The following RALGDS variants were observed in gnomAD, a reference collection of about 807,000 sequenced individuals.
RALGDS encodes ral guanine nucleotide dissociation stimulator.
Under a neutral mutation model 99.8 loss-of-function variants are expected in RALGDS, and 44 were observed. That is an observed-to-expected ratio of 0.44 (90% CI 0.35 to 0.57). The LOEUF (loss-of-function observed/expected upper bound fraction) is 0.57. Ranked by LOEUF, RALGDS falls within the 20% of genes least tolerant of loss-of-function variation. RALGDS has a pLI of 0.01. For missense variants in RALGDS, 1,022 were observed against 1,203.1 expected, an observed-to-expected ratio of 0.85 and a Z score of 2.23; for synonymous variants, 529 against 505.0, an observed-to-expected ratio of 1.05 and a Z score of -0.64.
chr9:133,113,563 C>A (rs1831451590), intron 1 of RALGDS, among the ~76,000 whole-genome samples: 1 of 152,240 alleles, frequency 6.6e-6, no homozygotes, highest in Admixed American at 6.5e-5. Flanking sequence ...CCACACCCCA[C>A]AAACAGCCCC....
At chr9:133,118,608 T>TAAAC (rs1452391747) in intron 1 of RALGDS, among the ~76,000 whole-genome samples, 1 of 152,242 alleles carries the variant, frequency 6.6e-6, no homozygotes, top group Non-Finnish European at 1.5e-5. Context: ...GCTGTTATCT[T>TAAAC]AAACCTGTGG....
upstream of RALGDS, among the ~76,000 whole-genome samples, chr9:133,135,474 G>C (rs1438512687): frequency 6.6e-6 from 1 of 152,166 alleles, no homozygotes; most frequent in African/African-American, 2.4e-5. Flanking sequence ...TGCCCCAGCC[G>C]CTCCCATTGG....
chr9:133,117,424 A>AG (rs1237498603), intron 1 of RALGDS, among the ~76,000 whole-genome samples: 2 of 152,224 alleles, frequency 1.3e-5, no homozygotes, highest in African/African-American at 4.8e-5. Context: ...GAATGACTAC[A>AG]GGGGAGGCTG....
At position 133,143,804 on chromosome 9, in the gene RALGDS, T is replaced by C. The variant is rs1184840385; in HGVS notation, c.18+5159A>G. ...ACAACAACAATAATAATAATAATAA[T>C]AATAATAATAATAATAAAATAAAGG... is the stretch of plus-strand genomic sequence containing the variant. On this transcript the variant is annotated intron_variant, in intron 1 of 17. Coordinates refer to the RALGDS transcript ENST00000393160. Among the ~76,000 whole-genome samples, 403 of 143,492 alleles carry C rather than the reference T, an allele frequency of 2.8e-3. 1 individual carries two copies. Among genetic ancestry groups the C allele is most frequent in the African/African-American group, 0.01 (375 of 36,034 alleles). 94.1% of individuals were successfully genotyped at this position (143,492 alleles called of 152,430 possible).
chr9:133,132,796 C>T (rs1436479032), upstream of RALGDS, among the ~76,000 whole-genome samples: 5 of 152,130 alleles, frequency 3.3e-5, no homozygotes, highest in East Asian at 3.9e-4. Flanking sequence ...TGCGGCACCA[C>T]GCCCAGCTAA....
At chr9:133,148,560 G>C (rs1832663990) in intron 1 of RALGDS, among the ~76,000 whole-genome samples, 1 of 152,248 alleles carries the variant, frequency 6.6e-6, no homozygotes, top group African/African-American at 2.4e-5. Flanking sequence ...GTGTGTGTCT[G>C]CGTGTGTGTG....
intron 6 of RALGDS, 41 bp from the exon 7 acceptor site, chr9:133,107,341 G>T (rs753654797): frequency 7.2e-6 from 11 of 1,529,530 alleles, no homozygotes; most frequent in Non-Finnish European, 9.0e-6. Flanking sequence ...TGCCCCAGCA[G>T]TCTGGGCTGG....
rs775737624 is a variant in RALGDS, at chr9:133,109,693, A to T, written c.517T>A (p.Ser173Thr). The T allele has an allele frequency of 6.2e-7, 1 of 1,613,776 alleles. No homozygotes were observed. The highest frequency in any genetic ancestry group is 2.2e-5 in the East Asian group (1 of 44,870). The change falls in exon 4 of 18, where the codon TCC (serine) becomes ACC (threonine). Residue 173 changes from serine (S) to threonine (T), a missense_variant. Ser to Thr is a moderately conservative substitution (Grantham distance 58, BLOSUM62 1). Around this residue, in one of 3 missense-constraint regions of RALGDS, gnomAD observed 825 missense variants for 994.5 expected, o/e 0.83. Transcript: ENST00000372050. The part of the protein sequence containing the change: ...RYGRCDALTA[S>T]SRYGCILPYS... ...GGGAGGATGCAGCCGTATCTAGAGG[A>T]GGCCGTGAGGGCGTCACATCTACCG...
chr9:133,107,217 C>T lies in RALGDS; in HGVS notation c.1281G>A (p.Ala427=), dbSNP rs139454388. ...GGGTGACAGTGGCGCGGATGGTGGG[C>T]GCCAGGTGCTCCTTGCCCTTCTTGT... ...QRDKKGKEHL[A]PTIRATVTQF... The change falls in exon 7 of 18, where the codon GCG becomes GCA. Residue 427 remains alanine (A), a synonymous_variant. Transcript: ENST00000372050. 2.6e-5 allele frequency: 42 copies of T among 1,613,706 alleles called. No individual in the cohort carries two copies. In the Admixed American group the frequency reaches 2.7e-4, roughly 10 times the overall value.
chr9:133,113,165 A>G (rs567728957), intron 1 of RALGDS, among the ~76,000 whole-genome samples: 1 of 152,320 alleles, frequency 6.6e-6, no homozygotes, highest in African/African-American at 2.4e-5. Flanking sequence ...CATCAACCTC[A>G]GAGGTTAGGA....
intron 4 of RALGDS, 38 bp from the exon 5 acceptor site, chr9:133,108,904 G>A: frequency 6.4e-7 from 1 of 1,573,344 alleles, no homozygotes; most frequent in Non-Finnish European, 8.7e-7. Context: ...CAGAGGCCTG[G>A]GCTCCCCTGA....
chr9:133,098,267 T>G lies in RALGDS; in HGVS notation c.*320A>C, dbSNP rs1588502967. 2.2e-6 allele frequency: 1 copy of G among 447,394 alleles called. No individual in the cohort carries two copies. Among genetic ancestry groups the G allele is most frequent in the Non-Finnish European group, 4.2e-6 (1 of 240,124 alleles). The allele number at this position is 447,394 out of a possible 1,614,324, so 27.7% of individuals were successfully genotyped here. On this transcript the variant is annotated 3_prime_UTR_variant, in exon 18 of 18. Transcript: ENST00000372050. ...TGGCAGTGACCCACACCTGGGAAGG[T>G]GTCAGGGAAGTGTACAGAGGTGGCG...
Position 133,100,293 on chromosome 9 carries a change from C to T in RALGDS, c.2544G>A (p.Leu848=), listed in dbSNP as rs773527385. The change falls in exon 17 of 18, where the codon CTG becomes CTA. Residue 848 remains leucine (L), a synonymous_variant. Transcript: ENST00000372050. ...TCCGGTCATCTGAGAGAATCTGCAG[C>T]AGCTCATAGTCCTCCGGCTCCTCCT... is the stretch of plus-strand genomic sequence containing the variant. The part of the protein sequence containing the change: ...LEEEEPEDYE[L]LQILSDDRKL... 5.0e-6 allele frequency: 8 copies of T among 1,614,228 alleles called. No homozygotes were observed. The highest frequency in any genetic ancestry group is 6.8e-6 in the Non-Finnish European group (8 of 1,180,020).
At chr9:133,120,433 C>CA (rs1831868831) in intron 1 of RALGDS, among the ~76,000 whole-genome samples, 1 of 138,060 alleles carries the variant, frequency 7.2e-6, no homozygotes, top group African/African-American at 2.7e-5. Flanking sequence ...CCCCGACCCC[C>CA]CCCCCACCCC....
upstream of RALGDS, among the ~76,000 whole-genome samples, chr9:133,135,460 G>A (rs185523977): frequency 2.0e-3 from 300 of 152,304 alleles, 2 homozygotes; most frequent in African/African-American, 6.9e-3. Context: ...AAGAATCCAG[G>A]CCCTGCCCCA....
At chr9:133,114,413 T>C (rs1167904663) in intron 1 of RALGDS, among the ~76,000 whole-genome samples, 1 of 152,126 alleles carries the variant, frequency 6.6e-6, no homozygotes, top group African/African-American at 2.4e-5. Context: ...CCCTGGGGTC[T>C]GGGAACAAAG....
At chr9:133,105,870 C>CCAGCCTG (rs1564232122) in intron 9 of RALGDS, 62 bp downstream of exon 9, 6 of 19,584 alleles carry the variant, frequency 3.1e-4, no homozygotes, top group African/African-American at 6.7e-4. Flanking sequence ...AGCCCCAGCC[C>CCAGCCTG]CCGCCCCAGC....
Position 133,108,875 on chromosome 9 carries a change from A to G in RALGDS, c.585-9T>C, listed in dbSNP as rs1311734128. On this transcript the variant is annotated splice_polypyrimidine_tract_variant and intron_variant, in intron 4 of 17. Transcript: ENST00000372050. ...GGATGGAGGAGATGGCACTGGGGAC[A>G]GGTGGGTGGCAGCAGAGTCAGAGGC... 1 of 1,608,838 alleles carries G rather than the reference A, an allele frequency of 6.2e-7. No individual in the cohort carries two copies. The highest frequency in any genetic ancestry group is 8.5e-7 in the Non-Finnish European group (1 of 1,177,134).
upstream of RALGDS, among the ~76,000 whole-genome samples, chr9:133,131,914 G>A (rs569402103): frequency 1.4e-4 from 21 of 152,250 alleles, no homozygotes; most frequent in Non-Finnish European, 1.9e-4. Context: ...GCTCATGGCC[G>A]TGCTTGGCGG....
Sources: gnomAD v4.1 joint callset for allele counts (sites outside exome capture counted in the v4.1 genomes callset) on GRCh38, gnomAD v4.1.1 for gene constraint, gnomAD v4.1.1 regional missense constraint, MANE v1.5 for transcripts, NCBI Gene and HGNC (gene_info 2026-07-23, HGNC 2026-07-21) for gene names.